The following PTPRD variants were observed in gnomAD, a reference collection of about 807,000 sequenced individuals.
PTPRD encodes receptor-type tyrosine-protein phosphatase delta.
A neutral mutation model predicts 214.5 loss-of-function variants in PTPRD; 34 were observed. That is an observed-to-expected ratio of 0.16 (90% CI 0.12 to 0.21). The LOEUF (loss-of-function observed/expected upper bound fraction) is 0.21. PTPRD is among the 10% of genes least tolerant of loss of function. The pLI is 1.00. For missense variants in PTPRD, 2,545 were observed against 2,398.7 expected, an observed-to-expected ratio of 1.06 and a Z score of -1.27; for synonymous variants, 1,128 against 845.7, an observed-to-expected ratio of 1.33 and a Z score of -5.79.
At chr9:8,321,528 A>T (rs545624661) in intron 44 of PTPRD, among the ~76,000 whole-genome samples, 1,178 of 78,328 alleles carry the variant, frequency 0.015, 20 homozygotes, top group South Asian at 0.048. Flanking sequence ...TATATATATA[A>T]AAGGTATATG....
rs1173701442 is a variant in PTPRD, at chr9:9,208,943, A to G, written c.-202-25580T>C. 5.9e-5 allele frequency among the ~76,000 whole-genome samples: 9 copies of G among 151,902 alleles called. 1 individual carries two copies. Among genetic ancestry groups the G allele is most frequent in the South Asian group, 4.2e-4 (2 of 4,814 alleles). On this transcript the variant is annotated intron_variant, in intron 9 of 45. Transcript: ENST00000381196. Reference sequence around the variant, plus strand: ...TTGCCTCAGCCTCCCGAGTAGCTGGAACCACAGGCGCCCGCCAATATGCCT... The same window carrying G: ...TTGCCTCAGCCTCCCGAGTAGCTGGGACCACAGGCGCCCGCCAATATGCCT...
At chr9:9,109,328 G>C (rs991775793) in intron 10 of PTPRD, among the ~76,000 whole-genome samples, 4 of 152,108 alleles carry the variant, frequency 2.6e-5, no homozygotes, top group African/African-American at 9.7e-5. Context: ...GGGAAATCTG[G>C]GGTGCTGAAG....
chr9:8,932,790 A>G (rs1207601956), intron 11 of PTPRD, among the ~76,000 whole-genome samples: 1 of 152,084 alleles, frequency 6.6e-6, no homozygotes, highest in Non-Finnish European at 1.5e-5. Flanking sequence ...AAGCCAGTGG[A>G]TCTTAGCTTG....
intron 3 of PTPRD, among the ~76,000 whole-genome samples, chr9:10,084,657 TTAAA>T (rs995683434): frequency 2.1e-5 from 3 of 142,822 alleles, no homozygotes; most frequent in Non-Finnish European, 4.4e-5. Flanking sequence ...CTGTAAAAGT[TTAAA>T]TAATATTTTT....
At chr9:8,610,806 T>G (rs2095420820) in intron 14 of PTPRD, among the ~76,000 whole-genome samples, 1 of 152,224 alleles carries the variant, frequency 6.6e-6, no homozygotes, top group Non-Finnish European at 1.5e-5. Flanking sequence ...ACTTTTTATT[T>G]TCCATATAAT....
At chr9:9,109,832 G>T (rs1211410178) in intron 10 of PTPRD, among the ~76,000 whole-genome samples, 1 of 152,076 alleles carries the variant, frequency 6.6e-6, no homozygotes, top group East Asian at 1.9e-4. Context: ...GTCTGAGTTG[G>T]AGAGTCTGGG....
chr9:8,799,031 T>C (rs1566149943), intron 11 of PTPRD, among the ~76,000 whole-genome samples: 1 of 152,146 alleles, frequency 6.6e-6, no homozygotes, highest in East Asian at 1.9e-4. Flanking sequence ...GCACTGAGCA[T>C]ATTTATCCTA....
intron 3 of PTPRD, among the ~76,000 whole-genome samples, chr9:10,152,564 G>T (rs866983936): frequency 6.6e-6 from 1 of 152,100 alleles, no homozygotes; most frequent in Non-Finnish European, 1.5e-5. Context: ...GGTGGCTCAC[G>T]CTTGTAATCC....
intron 5 of PTPRD, among the ~76,000 whole-genome samples, chr9:9,858,474 A>G (rs1339432614): frequency 6.6e-6 from 1 of 152,228 alleles, no homozygotes; most frequent in African/African-American, 2.4e-5. Flanking sequence ...ATGAAGAATG[A>G]CAAACACCTG....
At position 8,365,727 on chromosome 9, in the gene PTPRD, A is replaced by G. The variant is rs543357562; in HGVS notation, c.4661+10209T>C. On this transcript the variant is annotated intron_variant, in intron 39 of 45. Transcript: ENST00000381196. ...GCCCCTGACTTGTTTTAAACCAAGG[A>G]ATGCAGCAAAAGCAATTGTCTCAAA... Among the ~76,000 whole-genome samples the G allele has an allele frequency of 7.9e-5, 12 of 152,300 alleles. No homozygotes were observed. In the South Asian group the frequency reaches 2.5e-3, roughly 32 times the overall value.
intron 9 of PTPRD, among the ~76,000 whole-genome samples, chr9:9,388,970 GA>G (rs971516746): frequency 1.3e-4 from 20 of 152,050 alleles, no homozygotes; most frequent in Non-Finnish European, 2.4e-4. Context: ...CAGTGTGGGA[GA>G]AAAAATATAT....
intron 10 of PTPRD, among the ~76,000 whole-genome samples, chr9:9,055,923 G>T (rs1590698256): frequency 1.3e-5 from 2 of 151,868 alleles, no homozygotes; most frequent in East Asian, 3.9e-4. Flanking sequence ...GTTCTCATCA[G>T]CTCATTCCAA....
At chr9:10,245,724 G>A (rs764614998) in intron 3 of PTPRD, among the ~76,000 whole-genome samples, 1 of 152,132 alleles carries the variant, frequency 6.6e-6, no homozygotes, top group East Asian at 1.9e-4. Flanking sequence ...TTTAATCTAT[G>A]TGTATATGTG....
At chr9:10,587,586 T>C (rs937023919) in intron 2 of PTPRD, among the ~76,000 whole-genome samples, 1 of 152,070 alleles carries the variant, frequency 6.6e-6, no homozygotes, top group African/African-American at 2.4e-5. Flanking sequence ...ATCCAGATTA[T>C]TGCATTTCCT....
chr9:8,352,519 C>A (rs1288621448), intron 39 of PTPRD, among the ~76,000 whole-genome samples: 1 of 152,146 alleles, frequency 6.6e-6, no homozygotes, highest in Non-Finnish European at 1.5e-5. Flanking sequence ...ACCAGGCCTG[C>A]CAAGTAAAGC....
At chr9:10,061,006 C>T (rs980387563) in intron 3 of PTPRD, among the ~76,000 whole-genome samples, 7 of 149,964 alleles carry the variant, frequency 4.7e-5, no homozygotes, top group Non-Finnish European at 1.0e-4. Flanking sequence ...TCCTCTCTTT[C>T]TGTCTCTCTC....
At chr9:10,097,213 T>G (rs936862552) in intron 3 of PTPRD, among the ~76,000 whole-genome samples, 77 of 149,206 alleles carry the variant, frequency 5.2e-4, no homozygotes, top group African/African-American at 1.7e-3. Context: ...ATTGACTTGG[T>G]AATGCGGGCT....
At chr9:9,929,453 G>C (rs1479944255) in intron 5 of PTPRD, among the ~76,000 whole-genome samples, 1 of 152,180 alleles carries the variant, frequency 6.6e-6, no homozygotes, top group Non-Finnish European at 1.5e-5. Context: ...AAGTGCAGTG[G>C]CGTGATCTTG....
intron 9 of PTPRD, among the ~76,000 whole-genome samples, chr9:9,365,478 A>G (rs756537177): frequency 2.0e-5 from 3 of 151,504 alleles, no homozygotes; most frequent in Non-Finnish European, 3.0e-5. Context: ...GAATTCCCTA[A>G]TTGTGCTTTT....
Sources: allele counts gnomAD v4.1 joint callset (sites outside exome capture counted in the v4.1 genomes callset), GRCh38; gene constraint gnomAD v4.1.1; transcripts MANE v1.5; gene names NCBI Gene and HGNC (gene_info 2026-07-23, HGNC 2026-07-21).